SMYD2: variants seen among roughly 807,000 people sequenced by gnomAD.
SMYD2 encodes the protein SET and MYND domain containing 2, also known as N-lysine methyltransferase SMYD2.
A neutral mutation model predicts 59.1 loss-of-function variants in SMYD2; 53 were observed. The observed-to-expected ratio is 0.90, with a 90% CI of 0.72 to 1.13. The LOEUF is 1.13. Among genes scored for constraint, SMYD2 ranks in the 50% most tolerant of loss-of-function variants. The pLI is 0.00. For missense variants in SMYD2, 494 were observed against 544.7 expected (o/e 0.91, Z 0.93); for synonymous variants, 208 against 198.8 (o/e 1.05, Z -0.39).
intron 1 of SMYD2, among the ~76,000 whole-genome samples, chr1:214,301,964 TA>T: frequency 6.6e-6 from 1 of 152,168 alleles, no homozygotes; most frequent in Non-Finnish European, 1.5e-5. Context: ...CGAGATTTAG[TA>T]AAGTTAATAT....
At chr1:214,317,642 T>C (rs1657107409) in intron 3 of SMYD2, among the ~76,000 whole-genome samples, 1 of 152,236 alleles carries the variant, frequency 6.6e-6, no homozygotes, top group East Asian at 1.9e-4. Context: ...AAGTGTTCTT[T>C]TTGAAACACA....
In SMYD2 at chr1:214,324,724, C is replaced by T; in HGVS notation, c.602+16C>T. ...TATTTCCTGAGTAGGCTGTGTTTGA[C>T]TTCATTTCTTTCCTTTTTACTTACT... On this transcript the variant is annotated intron_variant, in intron 6 of 11. Transcript: ENST00000366957. 6.3e-7 allele frequency: 1 copy of T among 1,599,062 alleles called. No homozygotes were observed. Among genetic ancestry groups the T allele is most frequent in the East Asian group, 2.2e-5 (1 of 44,546 alleles).
At chr1:214,327,046 C>G (rs1657274920) in intron 6 of SMYD2, among the ~76,000 whole-genome samples, 1 of 152,224 alleles carries the variant, frequency 6.6e-6, no homozygotes, top group Non-Finnish European at 1.5e-5. Context: ...TTCTCGCTGT[C>G]CCTGAAAAGC....
intron 1 of SMYD2, among the ~76,000 whole-genome samples, chr1:214,289,312 A>ACC: frequency 6.6e-6 from 1 of 152,264 alleles, no homozygotes; most frequent in Non-Finnish European, 1.5e-5. Flanking sequence ...ACTTAGGTTA[A>ACC]TATTCCCTCC....
chr1:214,299,263 A>C (rs1656781789), intron 1 of SMYD2, among the ~76,000 whole-genome samples: 1 of 152,216 alleles, frequency 6.6e-6, no homozygotes, highest in Admixed American at 6.5e-5. Context: ...TGTAGAAAGC[A>C]GTTTGGAGAT....
Position 214,291,191 on chromosome 1 carries a change from C to T in SMYD2, c.173+9764C>T, listed in dbSNP as rs77700691. Among the ~76,000 whole-genome samples, 1,382 of 152,328 alleles carry T rather than the reference C, an allele frequency of 9.1e-3. 32 individuals are homozygous for T. The highest frequency in any genetic ancestry group is 0.032 in the African/African-American group (1,314 of 41,558). ...AAAGGAACAAAAATCCCTACCACCACGGAGCTTATTTTCCAGCTTTTATTC... is the reference window on the plus strand; with the variant it reads ...AAAGGAACAAAAATCCCTACCACCATGGAGCTTATTTTCCAGCTTTTATTC... On this transcript the variant is annotated intron_variant, in intron 1 of 11. Coordinates refer to ENST00000366957, the MANE Select transcript of SMYD2 (RefSeq NM_020197.3).
chr1:214,311,407 T>C (rs1656997515), intron 2 of SMYD2, among the ~76,000 whole-genome samples: 1 of 152,220 alleles, frequency 6.6e-6, no homozygotes, highest in Non-Finnish European at 1.5e-5. Flanking sequence ...AGGTGTAAAC[T>C]CACAGACTCA....
At chr1:214,330,843 G>A in intron 8 of SMYD2, 107 bp from the exon 9 acceptor site, 1 of 1,498,212 alleles carries the variant, frequency 6.7e-7, no homozygotes, top group Non-Finnish European at 9.1e-7. Flanking sequence ...ACCTTGGAAT[G>A]GGCCAGTGTC....
chr1:214,319,322 C>T (rs1227446630), intron 5 of SMYD2, among the ~76,000 whole-genome samples: 1 of 152,174 alleles, frequency 6.6e-6, no homozygotes, highest in East Asian at 1.9e-4. Flanking sequence ...GAAGTTCCTA[C>T]ATTAAATTTT....
intron 1 of SMYD2, among the ~76,000 whole-genome samples, chr1:214,286,289 G>A (rs1265558725): frequency 6.6e-6 from 1 of 152,000 alleles, no homozygotes; most frequent in Non-Finnish European, 1.5e-5. Context: ...AACATAGCAA[G>A]ACCCCATTCG....
At chr1:214,300,796 A>G (rs1343330635) in intron 1 of SMYD2, among the ~76,000 whole-genome samples, 1 of 152,222 alleles carries the variant, frequency 6.6e-6, no homozygotes, top group Non-Finnish European at 1.5e-5. Context: ...GATCCTCATT[A>G]TCTTCATTTG....
At position 214,281,344 on chromosome 1, in the gene SMYD2, G is replaced by A. The variant is rs772908065; in HGVS notation, c.90G>A (p.Gly30=). Residue 30 remains glycine (G), a synonymous_variant, in exon 1 of 12, where the codon GGG becomes GGA. Transcript: ENST00000366957. Reference sequence around the variant, plus strand: ...GGGCTCTGCAGCCCTTCCAGGTGGGGGACTTGCTGTTCTCCTGCCCGGCCT... The same window carrying A: ...GGGCTCTGCAGCCCTTCCAGGTGGGAGACTTGCTGTTCTCCTGCCCGGCCT... The part of the protein sequence containing the change: ...GLRALQPFQV[G]DLLFSCPAYA... 2.1e-6 allele frequency: 3 copies of A among 1,449,430 alleles called. No individual in the cohort carries two copies. Among genetic ancestry groups the A allele is most frequent in the Non-Finnish European group, 1.8e-6 (2 of 1,092,440 alleles). 89.8% of individuals were successfully genotyped at this position (1,449,430 alleles called of 1,614,324 possible). A position where few individuals can be genotyped will look rare whatever the true frequency, so the allele number is the denominator to read the frequency against.
chr1:214,314,419 A>G (rs985703656), intron 2 of SMYD2, among the ~76,000 whole-genome samples: 3 of 152,160 alleles, frequency 2.0e-5, no homozygotes, highest in African/African-American at 4.8e-5. Flanking sequence ...CTGATACTCA[A>G]ATTGCTCCCT....
chr1:214,292,982 T>A (rs1001528992), intron 1 of SMYD2, among the ~76,000 whole-genome samples: 2 of 151,828 alleles, frequency 1.3e-5, no homozygotes, highest in Non-Finnish European at 2.9e-5. Context: ...TCAAATTGCA[T>A]CTCTTTCCAA....
At chr1:214,299,359 C>T (rs1232991105) in intron 1 of SMYD2, among the ~76,000 whole-genome samples, 1 of 152,032 alleles carries the variant, frequency 6.6e-6, no homozygotes, top group Non-Finnish European at 1.5e-5. Context: ...AATTGTTCTA[C>T]TGAAAAGACA....
In SMYD2 at chr1:214,336,680, A is replaced by ATTGT. The variant is rs759676722; in HGVS notation, c.1222-19_1222-16dup. 6 of 1,611,090 alleles carry ATTGT rather than the reference A, an allele frequency of 3.7e-6. No homozygotes were observed. The African/African-American group carries it at 4.0e-5, about 11-fold the overall frequency. On this transcript the variant is annotated intron_variant, in intron 11 of 11. Transcript: ENST00000366957. ...TGAGGAGATTGGCTTCTAGGCTCTC[A>ATTGT]TTGTTTGTCTTGCTTTTTCCTAGGC...
chr1:214,285,972 G>T (rs1398632881), intron 1 of SMYD2, among the ~76,000 whole-genome samples: 2 of 152,176 alleles, frequency 1.3e-5, no homozygotes, highest in Admixed American at 6.5e-5. Flanking sequence ...GTGAGAATAT[G>T]GTATCACAGT....
At chr1:214,317,996 G>T in intron 3 of SMYD2, 83 bp from the exon 4 acceptor site, 2 of 1,221,868 alleles carry the variant, frequency 1.6e-6, no homozygotes, top group Admixed American at 3.6e-5. Context: ...TTTTCTTTAT[G>T]TTGATGTAAA....
At chr1:214,327,114 G>A (rs1383724777) in intron 6 of SMYD2, among the ~76,000 whole-genome samples, 1 of 152,248 alleles carries the variant, frequency 6.6e-6, no homozygotes, top group African/African-American at 2.4e-5. Context: ...AAATTGAGGT[G>A]CAGAGAAACT....
Sources: gnomAD v4.1 joint callset for allele counts (sites outside exome capture counted in the v4.1 genomes callset) on GRCh38, gnomAD v4.1.1 for gene constraint, MANE v1.5 for transcripts, NCBI Gene and HGNC (gene_info 2026-07-23, HGNC 2026-07-21) for gene names.